Variants in GRIK4 observed in about 807,000 individuals in gnomAD.
GRIK4 encodes glutamate ionotropic receptor kainate type subunit 4, also known as glutamate receptor ionotropic, kainate 4.
In GRIK4, 40 loss-of-function variants were observed where a neutral mutation model predicts 104.9. The observed-to-expected ratio is 0.38, with a 90% CI of 0.30 to 0.50. The LOEUF (loss-of-function observed/expected upper bound fraction) is 0.50. Among genes scored for constraint, GRIK4 ranks in the 20% least tolerant of loss-of-function variants. The pLI, the probability that GRIK4 is intolerant of heterozygous loss-of-function variation, is 0.93. For missense variants in GRIK4, 1,047 were observed against 1,308.1 expected (o/e 0.80, Z 3.08); for synonymous variants, 485 against 524.9 (o/e 0.92, Z 1.04).
intron 5 of GRIK4, among the ~76,000 whole-genome samples, chr11:120,816,445 G>A (rs1201407351): frequency 2.0e-5 from 3 of 152,136 alleles, no homozygotes; most frequent in Admixed American, 6.6e-5. Flanking sequence ...GCTCAGTCTC[G>A]CTTCTGCCCT....
At chr11:120,964,691 A>C (rs1463335675) in intron 18 of GRIK4, among the ~76,000 whole-genome samples, 5 of 152,238 alleles carry the variant, frequency 3.3e-5, no homozygotes, top group South Asian at 4.1e-4. Flanking sequence ...ATCAATAACC[A>C]AGGAAAAATG....
Position 120,956,451 on chromosome 11 carries a change from C to T in GRIK4, c.1701-329C>T, listed in dbSNP as rs374226621. On this transcript the variant is annotated intron_variant, in intron 15 of 20. Transcript: ENST00000527524. The surrounding 1 kb of genome is among the most constrained non-coding windows in gnomAD (Gnocchi z 4.6). ...AATCCCTGGACTCAAGCAATCCACC[C>T]GCCTCGGCCTCCCAAAGTGCTGGGA... is the stretch of plus-strand genomic sequence containing the variant. Among the ~76,000 whole-genome samples the T allele has an allele frequency of 4.5e-4, 68 of 152,162 alleles. No homozygotes were observed. The highest frequency in any genetic ancestry group is 1.5e-3 in the African/African-American group (61 of 41,502).
chr11:120,945,030 A>C (rs572474693), intron 14 of GRIK4, among the ~76,000 whole-genome samples: 67 of 151,784 alleles, frequency 4.4e-4, no homozygotes, highest in African/African-American at 1.5e-3. Context: ...AATCATATCA[A>C]CCTCCTTCTT....
intron 3 of GRIK4, among the ~76,000 whole-genome samples, chr11:120,727,187 C>T (rs1951043768): frequency 6.6e-6 from 1 of 152,144 alleles, no homozygotes; most frequent in African/African-American, 2.4e-5. Context: ...CCAGATGGAA[C>T]AAAGGGGCGA....
At chr11:120,665,426 TA>T (rs776894311) in intron 3 of GRIK4, among the ~76,000 whole-genome samples, 31 of 152,324 alleles carry the variant, frequency 2.0e-4, no homozygotes, top group East Asian at 7.7e-4. Flanking sequence ...ATCTGTCACC[TA>T]GGGGGGGAAT....
chr11:120,846,873 C>T (rs1443757555), intron 8 of GRIK4, among the ~76,000 whole-genome samples: 2 of 152,186 alleles, frequency 1.3e-5, no homozygotes, highest in Non-Finnish European at 2.9e-5. Flanking sequence ...CCACCCTCCT[C>T]TTCACGGTTT....
intron 12 of GRIK4, among the ~76,000 whole-genome samples, chr11:120,899,534 G>A (rs535227564): frequency 1.3e-5 from 2 of 151,786 alleles, no homozygotes; most frequent in African/African-American, 4.8e-5. Context: ...CCCCTGCCAT[G>A]TGCCAGGTGC....
chr11:120,595,369 C>T (rs1948787863), intron 1 of GRIK4, among the ~76,000 whole-genome samples: 1 of 152,176 alleles, frequency 6.6e-6, no homozygotes, highest in Admixed American at 6.5e-5. Flanking sequence ...ATCCACAGCC[C>T]CTAGCACATT....
chr11:120,828,910 G>T (rs890235889), intron 6 of GRIK4, among the ~76,000 whole-genome samples: 4 of 152,166 alleles, frequency 2.6e-5, no homozygotes, highest in Admixed American at 6.5e-5. Context: ...CTTTCCCTGG[G>T]AGTTTCGTGC....
At chr11:120,560,190 A>T (rs991244095) in intron 1 of GRIK4, among the ~76,000 whole-genome samples, 1 of 152,082 alleles carries the variant, frequency 6.6e-6, no homozygotes, top group East Asian at 1.9e-4. Flanking sequence ...CTGGGATTGT[A>T]GGTGTGTGCC....
intron 3 of GRIK4, among the ~76,000 whole-genome samples, chr11:120,700,264 CTTT>C (rs34617192): frequency 0.12 from 14,572 of 118,480 alleles, 741 homozygotes; most frequent in South Asian, 0.19. Context: ...TATATTACTA[CTTT>C]TTTTTTTTTT....
chr11:120,814,140 G>A (rs1298462912), intron 4 of GRIK4, among the ~76,000 whole-genome samples: 2 of 152,352 alleles, frequency 1.3e-5, no homozygotes, highest in African/African-American at 2.4e-5. Flanking sequence ...CTGAAGAGAT[G>A]AGAAGTGGGG....
Position 120,921,584 on chromosome 11 carries a change from C to T in GRIK4, c.1476+16091C>T, listed in dbSNP as rs536799220. 1.6e-4 allele frequency among the ~76,000 whole-genome samples: 22 copies of T among 141,570 alleles called. No homozygotes were observed. In the South Asian group the frequency reaches 2.6e-3, roughly 17 times the overall value. The allele number at this position is 141,570 out of a possible 152,430, so 92.9% of individuals were successfully genotyped here. A position where few individuals can be genotyped will look rare whatever the true frequency, so the allele number is the denominator to read the frequency against. ...CTGCCCTCCCGCTTGCGCGCACTTC[C>T]TGTGATCCCTGCCTCCCGCTCCTGC... is the stretch of plus-strand genomic sequence containing the variant. On this transcript the variant is annotated intron_variant, in intron 13 of 20. Transcript: ENST00000527524.
chr11:120,599,840 G>A (rs556933712), intron 1 of GRIK4, among the ~76,000 whole-genome samples: 18 of 152,210 alleles, frequency 1.2e-4, no homozygotes, highest in African/African-American at 2.7e-4. Flanking sequence ...TGACTCACCC[G>A]AGCAAGGAGC....
intron 1 of GRIK4, among the ~76,000 whole-genome samples, chr11:120,628,746 G>A (rs980343442): frequency 1.3e-5 from 2 of 152,316 alleles, no homozygotes; most frequent in Admixed American, 1.3e-4. Flanking sequence ...GGTTTCAGCT[G>A]TGGGGCAGAG....
intron 3 of GRIK4, among the ~76,000 whole-genome samples, chr11:120,789,831 C>T (rs756573708): frequency 1.3e-5 from 2 of 152,178 alleles, no homozygotes; most frequent in Admixed American, 6.5e-5. Context: ...AAGGCTGACT[C>T]TTGTGTGAAG....
chr11:120,757,580 C>A (rs1052167747), intron 3 of GRIK4, among the ~76,000 whole-genome samples: 14 of 152,186 alleles, frequency 9.2e-5, no homozygotes, highest in African/African-American at 3.1e-4. Context: ...AGAAGAGTTC[C>A]CTGGGTCTGG....
In GRIK4 at chr11:120,939,675, C is replaced by G. The variant is rs539291282; in HGVS notation, c.1477-672C>G. 1.1e-4 allele frequency among the ~76,000 whole-genome samples: 17 copies of G among 152,176 alleles called. No individual in the cohort carries two copies. The highest frequency in any genetic ancestry group is 4.1e-4 in the African/African-American group (17 of 41,426). ...GTGGAGTTTTGTCAACTGAACGAAA[C>G]AAACACTACTCAATATTGAGAATGG... On this transcript the variant is annotated intron_variant, in intron 13 of 20. Coordinates refer to ENST00000527524, the MANE Select transcript of GRIK4 (RefSeq NM_014619.5). The surrounding 1 kb of genome is among the most constrained non-coding windows in gnomAD (Gnocchi z 5.6).
At chr11:120,525,633 C>T (rs891437281) in intron 1 of GRIK4, among the ~76,000 whole-genome samples, 6 of 152,226 alleles carry the variant, frequency 3.9e-5, no homozygotes, top group African/African-American at 7.2e-5. Context: ...CCGCGTGCTA[C>T]GTCCCCGTGT....
Sources: gnomAD v4.1 joint callset for allele counts (sites outside exome capture counted in the v4.1 genomes callset) on GRCh38, gnomAD v4.1.1 for gene constraint, Gnocchi (gnomAD v3.1) non-coding constraint, MANE v1.5 for transcripts, NCBI Gene and HGNC (gene_info 2026-07-23, HGNC 2026-07-21) for gene names.